Variants in TFAP2A observed in about 807,000 individuals in gnomAD.
TFAP2A encodes transcription factor AP-2-alpha.
TFAP2A carries 7 observed loss-of-function variants against 41.5 expected under a neutral mutation model. That is an observed-to-expected ratio of 0.17 (90% CI 0.10 to 0.32). The LOEUF is 0.32. TFAP2A is among the 10% of genes least tolerant of loss of function. The pLI, the probability that TFAP2A is intolerant of heterozygous loss-of-function variation, is 1.00. For synonymous variants in TFAP2A, 247 were observed against 242.8 expected (o/e 1.02, Z -0.16); for missense variants, 416 against 563.3 (o/e 0.74, Z 2.65).
intron 1 of TFAP2A, chr6:10,412,766 T>C: frequency 4.3e-6 from 1 of 234,938 alleles, no homozygotes; most frequent in Non-Finnish European, 8.7e-6. Context: ...TGCCCGCTGC[T>C]GCGCGGCTCC....
Position 10,409,951 on chromosome 6 carries a change from G to A in TFAP2A, c.436C>T (p.Leu146Phe), listed in dbSNP as rs1190763496. Residue 146 changes from leucine to phenylalanine, a missense_variant, in exon 2 of 7, where the codon CTC becomes TTC. Around this residue, in one of 3 missense-constraint regions of TFAP2A, gnomAD observed 241 missense variants for 274.1 expected, o/e 0.88. Coordinates refer to ENST00000379613, the MANE Select transcript of TFAP2A (RefSeq NM_001372066.1). ...LHGPHALSSG[L>F]GDLSIHSLPH... ...AAGGAGTGGATCGAGAGGTCTCCGA[G>A]TCCTGAGCTGAGCGCGTGTGGGCCG... 1 of 1,567,046 alleles carries A rather than the reference G, an allele frequency of 6.4e-7. No individual in the cohort carries two copies. The highest frequency in any genetic ancestry group is 1.2e-5 in the South Asian group (1 of 86,128).
chr6:10,400,411 A>G (rs766640279), intron 6 of TFAP2A, 37 bp downstream of exon 6: 3 of 1,614,112 alleles, frequency 1.9e-6, no homozygotes, highest in Non-Finnish European at 2.5e-6. Flanking sequence ...TCTCTTGACA[A>G]CGAGACACAG....
rs748114710 is a variant in TFAP2A at position 10,398,721 on chromosome 6, A to G, written c.1032-16T>C. ...GCATATCTGTCTGCAGCACAAGTGG[A>G]GCAGAGAGAGAGACATAAGGCTCCA... On this transcript the variant is annotated splice_polypyrimidine_tract_variant and intron_variant, in intron 6 of 6. Transcript: ENST00000379613. This position sits in a 1 kb window ranked among gnomAD's most constrained non-coding sequence, Gnocchi z 5.3. 2.5e-6 allele frequency: 4 copies of G among 1,613,500 alleles called. No homozygotes were observed. The highest frequency in any genetic ancestry group is 3.3e-5 in the Admixed American group (2 of 59,990).
chr6:10,406,956 G>A (rs763776447), intron 2 of TFAP2A, 112 bp from the exon 3 acceptor site: 27 of 857,930 alleles, frequency 3.1e-5, no homozygotes, highest in Non-Finnish European at 4.2e-5. Context: ...TCCCCCTCCC[G>A]TATAATGACA....
intron 3 of TFAP2A, chr6:10,405,102 AC>A: frequency 3.3e-6 from 1 of 301,712 alleles, no homozygotes. Flanking sequence ...GTCCAGGACC[AC>A]GGGTTCAGGG....
At chr6:10,419,333 G>C (rs1031030116), upstream of TFAP2A, 1 of 1,522,972 alleles carries the variant, frequency 6.6e-7, no homozygotes, top group South Asian at 1.1e-5. Context: ...GGGCCACGGC[G>C]CTTCCTCTCC....
chr6:10,399,602 G>C (rs1373465577), intron 6 of TFAP2A, among the ~76,000 whole-genome samples: 3 of 152,304 alleles, frequency 2.0e-5, no homozygotes, highest in South Asian at 2.1e-4. Flanking sequence ...TGAGGAGCCT[G>C]GGCTGGCTCC....
rs558239674 is a variant in TFAP2A at position 10,400,653 on chromosome 6, C to T, written c.890-64G>A. ...TGAAGAGTGGGGATCCTAACTTCCTCCCCACTCCCAACTCCCTAATTCCCT... is the reference window on the plus strand; with the variant it reads ...TGAAGAGTGGGGATCCTAACTTCCTTCCCACTCCCAACTCCCTAATTCCCT... On this transcript the variant is annotated intron_variant, in intron 5 of 6. Coordinates refer to ENST00000379613, the MANE Select transcript of TFAP2A (RefSeq NM_001372066.1). 5 of 1,578,498 alleles carry T rather than the reference C, an allele frequency of 3.2e-6. No homozygotes were observed. The South Asian group carries it at 5.5e-5, about 17-fold the overall frequency.
intron 1 of TFAP2A, chr6:10,414,735 A>T (rs868361939): frequency 9.7e-6 from 7 of 725,324 alleles, no homozygotes; most frequent in Middle Eastern, 3.7e-4. Flanking sequence ...GCTTCAAAGT[A>T]GGGAAACCAA....
At chr6:10,409,616 A>C in intron 2 of TFAP2A, 10 of 437,422 alleles carry the variant, frequency 2.3e-5, no homozygotes, top group Admixed American at 3.9e-5. Flanking sequence ...GTCGAGAGGA[A>C]GATATTGTTA....
chr6:10,406,914 G>A, intron 2 of TFAP2A, 70 bp from the exon 3 acceptor site: 2 of 1,199,246 alleles, frequency 1.7e-6, no homozygotes, highest in Non-Finnish European at 2.5e-6. Context: ...TTCCCTGCAA[G>A]ATGGGAGGAG....
chr6:10,412,241 C>T, intron 1 of TFAP2A: 1 of 986,170 alleles, frequency 1.0e-6, no homozygotes, highest in Non-Finnish European at 1.2e-6. Context: ...GGGGCCGCGG[C>T]GCGGCGTCTG....
upstream of TFAP2A, chr6:10,415,196 G>T: frequency 1.3e-6 from 2 of 1,490,934 alleles, no homozygotes; most frequent in Non-Finnish European, 1.8e-6. Context: ...AGGAGGGCGA[G>T]GAGAAGGGCG....
chr6:10,414,928 G>A lies in TFAP2A; in HGVS notation c.51+13C>T. 1 of 1,614,048 alleles carries A rather than the reference G, an allele frequency of 6.2e-7. No homozygotes were observed. The highest frequency in any genetic ancestry group is 8.5e-7 in the Non-Finnish European group (1 of 1,179,988). ...TGTGACCGCACGGATGATCGAGCCG[G>A]CGTCGCGCTTACCTCGCAGTCCTCG... is the stretch of plus-strand genomic sequence containing the variant. On this transcript the variant is annotated intron_variant, in intron 1 of 6. Coordinates refer to ENST00000379613, the MANE Select transcript of TFAP2A (RefSeq NM_001372066.1).
chr6:10,399,924 C>CTCTCTG (rs558771454), intron 6 of TFAP2A, among the ~76,000 whole-genome samples: 21 of 149,016 alleles, frequency 1.4e-4, no homozygotes, highest in East Asian at 1.4e-3. Context: ...CTCTCTCTGT[C>CTCTCTG]TGTGTGTGTG....
intron 3 of TFAP2A, 94 bp downstream of exon 3, chr6:10,406,699 C>T: frequency 9.0e-7 from 1 of 1,112,650 alleles, no homozygotes; most frequent in Admixed American, 1.7e-5. Flanking sequence ...TTTAGGAAAT[C>T]CTATTTGGAA....
chr6:10,414,214 G>C (rs1321382958), intron 1 of TFAP2A, among the ~76,000 whole-genome samples: 2 of 152,342 alleles, frequency 1.3e-5, no homozygotes, highest in East Asian at 1.9e-4. Flanking sequence ...CAGCAGGCTC[G>C]GCGCAGCACA....
At chr6:10,408,138 T>A (rs1336558451) in intron 2 of TFAP2A, among the ~76,000 whole-genome samples, 2 of 152,246 alleles carry the variant, frequency 1.3e-5, no homozygotes, top group African/African-American at 4.8e-5. Context: ...TCGATTTGAT[T>A]TTCTTAAATA....
In TFAP2A at chr6:10,398,496, A is replaced by AT; in HGVS notation, c.1240dup (p.Met414AsnfsTer19). ...GCTGTTGGGGTTGTTGCTGAGGTAC[A>AT]TTTTGTCCATGGCCTTGAGGGCCTC... On this transcript the variant is annotated frameshift_variant, in exon 7 of 7. Coordinates refer to ENST00000379613, the MANE Select transcript of TFAP2A (RefSeq NM_001372066.1). LOFTEE classifies it high-confidence loss of function. This position sits in a 1 kb window ranked among gnomAD's most constrained non-coding sequence, Gnocchi z 5.3. 6.2e-7 allele frequency: 1 copy of AT among 1,614,008 alleles called. No homozygotes were observed. The highest frequency in any genetic ancestry group is 8.5e-7 in the Non-Finnish European group (1 of 1,179,990).
Sources: gnomAD v4.1 joint callset for allele counts (sites outside exome capture counted in the v4.1 genomes callset) on GRCh38, gnomAD v4.1.1 for gene constraint, gnomAD v4.1.1 regional missense constraint, Gnocchi (gnomAD v3.1) non-coding constraint, MANE v1.5 for transcripts, NCBI Gene and HGNC (gene_info 2026-07-23, HGNC 2026-07-21) for gene names.